The following SDHA variants were observed in gnomAD, a reference collection of about 807,000 sequenced individuals.
SDHA encodes succinate dehydrogenase [ubiquinone] flavoprotein subunit, mitochondrial.
Under a neutral mutation model 78.4 loss-of-function variants are expected in SDHA, and 48 were observed. That is an observed-to-expected ratio of 0.61 (90% confidence interval 0.49 to 0.78). The LOEUF is 0.78. Among genes scored for constraint, SDHA ranks in the 30% least tolerant of loss-of-function variants. The probability of loss-of-function intolerance (pLI) is 0.00; values close to 1 mark genes in which losing one functional copy is unlikely to be tolerated. For synonymous variants in SDHA, 326 were observed against 353.9 expected (o/e 0.92, Z 0.88); for missense variants, 680 against 892.7 (o/e 0.76, Z 3.04).
chr5:253,889 G>GTC (rs1461096150), intron 13 of SDHA, among the ~76,000 whole-genome samples: 1 of 152,106 alleles, frequency 6.6e-6, no homozygotes, highest in South Asian at 2.1e-4. Context: ...GGCGAAACGT[G>GTC]TCTCTACAAA....
chr5:262,919 GT>G, the SDHA span, among the ~76,000 whole-genome samples: 1 of 152,110 alleles, frequency 6.6e-6, no homozygotes, highest in Non-Finnish European at 1.5e-5. Context: ...AAAACCTTTT[GT>G]TTTTCCTTAT....
chr5:253,188 G>C (rs1389013286), intron 13 of SDHA: 1 of 152,236 alleles, frequency 6.6e-6, no homozygotes, highest in African/African-American at 2.4e-5. Context: ...GGCTCCACAA[G>C]GCAGGCGCAC....
intron 10 of SDHA, 81 bp downstream of exon 10, chr5:236,680 G>C: frequency 6.9e-7 from 1 of 1,445,226 alleles, no homozygotes; most frequent in East Asian, 2.4e-5. Context: ...TTGAGAAAGG[G>C]TCAGCCCAGG....
At chr5:262,373 C>G in the SDHA span, among the ~76,000 whole-genome samples, 1 of 141,890 alleles carries the variant, frequency 7.0e-6, no homozygotes, top group African/African-American at 2.8e-5. Flanking sequence ...CGTGTGAGCT[C>G]CGCCTCCTGT....
chr5:239,286 T>C (rs563800761), intron 10 of SDHA, among the ~76,000 whole-genome samples: 1 of 139,884 alleles, frequency 7.1e-6, no homozygotes, highest in African/African-American at 3.2e-5. Flanking sequence ...AAATCTTGGC[T>C]GTGCGCAGTG....
chr5:265,066 G>T, the SDHA span, among the ~76,000 whole-genome samples: 1 of 152,134 alleles, frequency 6.6e-6, no homozygotes. Context: ...AATTAGCTGG[G>T]CATGGTGGCA....
At position 236,421 on chromosome 5, in the gene SDHA, T is replaced by A. The variant is rs1423583851; in HGVS notation, c.1261-7T>A. On this transcript the variant is annotated splice_region_variant and splice_polypyrimidine_tract_variant and intron_variant, in intron 9 of 14. Transcript: ENST00000264932. ...TGACATTTCACCTGAAATCTTCCTT[T>A]CCACAGGTCCTGAGGCACGTGAATG... 1.9e-6 allele frequency: 3 copies of A among 1,613,354 alleles called. No individual in the cohort carries two copies. The highest frequency in any genetic ancestry group is 2.5e-6 in the Non-Finnish European group (3 of 1,179,490).
At chr5:262,380 C>A in the SDHA span, among the ~76,000 whole-genome samples, 1 of 150,212 alleles carries the variant, frequency 6.7e-6, no homozygotes, top group African/African-American at 2.5e-5. Flanking sequence ...GCTCCGCCTC[C>A]TGTCCAAGCA....
At position 233,462 on chromosome 5, in the gene SDHA, T is replaced by A. The variant is rs770596604; in HGVS notation, c.896-15T>A. 6.2e-7 allele frequency: 1 copy of A among 1,613,312 alleles called. No individual in the cohort carries two copies. The highest frequency in any genetic ancestry group is 1.1e-5 in the South Asian group (1 of 91,062). ...TAGCAATTGTTAGGTAATAAATATG[T>A]GTGGTTTTTTGCAGGCATATATGGT... On this transcript the variant is annotated splice_polypyrimidine_tract_variant and intron_variant, in intron 7 of 14. Transcript: ENST00000264932.
At chr5:259,420 G>A (rs1172524742), downstream of SDHA, among the ~76,000 whole-genome samples, 34 of 56,668 alleles carry the variant, frequency 6.0e-4, 1 homozygote, top group African/African-American at 4.4e-3. Context: ...CAGCATTACC[G>A]TGTGAGCTCC....
chr5:227,289 C>T (rs1735090731), intron 5 of SDHA, among the ~76,000 whole-genome samples: 2 of 152,220 alleles, frequency 1.3e-5, no homozygotes, highest in African/African-American at 4.8e-5. Flanking sequence ...GGATTGCAGG[C>T]GTGAGCCACC....
chr5:240,940 T>C (rs1249088753), intron 11 of SDHA, among the ~76,000 whole-genome samples: 1 of 152,014 alleles, frequency 6.6e-6, no homozygotes, highest in Non-Finnish European at 1.5e-5. Context: ...GCACTTAGGT[T>C]GATTCCATGA....
intron 8 of SDHA, chr5:233,873 G>C: frequency 1.9e-6 from 1 of 513,404 alleles, no homozygotes; most frequent in Non-Finnish European, 3.6e-6. Context: ...GTTTCTCTTA[G>C]TGTGTGTGAG....
intron 14 of SDHA, among the ~76,000 whole-genome samples, chr5:255,886 G>A (rs555478079): frequency 6.0e-4 from 91 of 152,338 alleles, no homozygotes; most frequent in Middle Eastern, 3.4e-3. Context: ...CACAGCTTGA[G>A]TATTCCTTCT....
At chr5:264,614 A>T in the SDHA span, among the ~76,000 whole-genome samples, 1 of 152,318 alleles carries the variant, frequency 6.6e-6, no homozygotes, top group South Asian at 2.1e-4. Context: ...ATCAAGTTTG[A>T]GTCTGAGGAG....
chr5:224,824 T>TCACC (rs2126544608), intron 3 of SDHA: 3 of 439,972 alleles, frequency 6.8e-6, no homozygotes, highest in South Asian at 6.5e-5. Flanking sequence ...GAAAAGGAGA[T>TCACC]CACCTAAAGA....
chr5:221,255 A>T (rs1381485768), intron 1 of SDHA, among the ~76,000 whole-genome samples: 4 of 152,210 alleles, frequency 2.6e-5, no homozygotes, highest in African/African-American at 9.7e-5. Context: ...CCTGTTTCTG[A>T]TACTGACTCC....
rs1734973296 is a variant in SDHA, at chr5:225,649, T to C, written c.456+87T>C. The C allele has an allele frequency of 5.0e-6, 8 of 1,588,370 alleles. No homozygotes were observed. The South Asian group carries it at 8.8e-5, about 18-fold the overall frequency. ...AAAAAATGTAAGCAATTGAGGCGGA[T>C]GTGGCAGCCAAAAGAATGGTGATGA... On this transcript the variant is annotated intron_variant, in intron 4 of 14. Coordinates refer to ENST00000264932, the MANE Select transcript of SDHA (RefSeq NM_004168.4).
In SDHA at chr5:230,992, A is replaced by G; in HGVS notation, c.887A>G (p.His296Arg). Residue 296 changes from histidine to arginine, a missense_variant, in exon 7 of 15, where the codon CAC becomes CGC. By Grantham distance (29) the His-to-Arg change is conservative. Transcript: ENST00000264932. ...CAGGACCTAGAGTTTGTTCAGTTCC[A>G]CCCTACAGGTAGGGCAGGACGCCTT... is the stretch of plus-strand genomic sequence containing the variant. ...PCQDLEFVQFHPTGIYGAGCL... is the reference protein window; with the variant it reads ...PCQDLEFVQFRPTGIYGAGCL... 2 of 1,613,828 alleles carry G rather than the reference A, an allele frequency of 1.2e-6. No homozygotes were observed. The highest frequency in any genetic ancestry group is 8.5e-7 in the Non-Finnish European group (1 of 1,179,832).
Sources: allele counts gnomAD v4.1 joint callset (sites outside exome capture counted in the v4.1 genomes callset), GRCh38; gene constraint gnomAD v4.1.1; transcripts MANE v1.5; gene names NCBI Gene and HGNC (gene_info 2026-07-23, HGNC 2026-07-21).